Variants in ENTREP2 observed in about 807,000 individuals in gnomAD.
ENTREP2 encodes the protein endosomal transmembrane epsin interactor 2.
the ENTREP2 span, among the ~76,000 whole-genome samples, chr15:29,385,717 T>G: frequency 6.6e-6 from 1 of 151,892 alleles, no homozygotes; most frequent in Admixed American, 6.6e-5. Context: ...TAGAGAAGGG[T>G]GGGGTGCCTG....
At chr15:29,478,280 G>A in the ENTREP2 span, among the ~76,000 whole-genome samples, 1 of 151,768 alleles carries the variant, frequency 6.6e-6, no homozygotes, top group African/African-American at 2.4e-5. Flanking sequence ...GCCTGCCTTG[G>A]CCTCCCAAAG....
chr15:29,645,008 G>A, the ENTREP2 span, among the ~76,000 whole-genome samples: 1 of 152,180 alleles, frequency 6.6e-6, no homozygotes. Flanking sequence ...CTTGAGCCCA[G>A]GAATTAAAGA....
chr15:29,449,850 A>C, the ENTREP2 span, among the ~76,000 whole-genome samples: 1 of 152,158 alleles, frequency 6.6e-6, no homozygotes, highest in African/African-American at 2.4e-5. Flanking sequence ...GGAAATCCTA[A>C]TATTTACTTG....
At chr15:29,141,956 G>A in the ENTREP2 span, among the ~76,000 whole-genome samples, 1 of 152,318 alleles carries the variant, frequency 6.6e-6, no homozygotes, top group Middle Eastern at 3.4e-3. Flanking sequence ...CATTATGACT[G>A]TAATTGCATA....
chr15:29,578,912 A>T, the ENTREP2 span, among the ~76,000 whole-genome samples: 1 of 152,188 alleles, frequency 6.6e-6, no homozygotes, highest in Non-Finnish European at 1.5e-5. Context: ...GGAGGGTAAT[A>T]AGGCTAAGAA....
the ENTREP2 span, among the ~76,000 whole-genome samples, chr15:29,561,566 T>C: frequency 3.8e-3 from 580 of 152,144 alleles, 5 homozygotes; most frequent in Middle Eastern, 6.8e-3. Flanking sequence ...CGGGTGCCTA[T>C]AGTCCCAGCT....
At chr15:29,266,279 T>C in the ENTREP2 span, 1 of 152,188 alleles carries the variant, frequency 6.6e-6, no homozygotes, top group Admixed American at 6.5e-5. Context: ...GAAAAGATAC[T>C]GAAAAGGCCA....
the ENTREP2 span, among the ~76,000 whole-genome samples, chr15:29,423,186 T>C: frequency 4.6e-5 from 7 of 152,118 alleles, no homozygotes; most frequent in Admixed American, 3.3e-4. Flanking sequence ...AATGTGACCT[T>C]GGAATCTTTT....
the ENTREP2 span, among the ~76,000 whole-genome samples, chr15:29,216,853 T>TA: frequency 6.6e-6 from 1 of 151,588 alleles, no homozygotes; most frequent in African/African-American, 2.4e-5. Context: ...AACCATTGTT[T>TA]AAAAAAAAGA....
chr15:29,195,799 A>G, the ENTREP2 span, among the ~76,000 whole-genome samples: 1 of 152,208 alleles, frequency 6.6e-6, no homozygotes, highest in African/African-American at 2.4e-5. Flanking sequence ...TGCTGGGATT[A>G]CAGGCGTGAG....
the ENTREP2 span, among the ~76,000 whole-genome samples, chr15:29,546,141 T>G: frequency 6.6e-6 from 1 of 152,184 alleles, no homozygotes; most frequent in African/African-American, 2.4e-5. Context: ...TCACTTTATG[T>G]TGGACACTCA....
At chr15:29,531,769 G>A in the ENTREP2 span, among the ~76,000 whole-genome samples, 2 of 152,142 alleles carry the variant, frequency 1.3e-5, no homozygotes, top group Non-Finnish European at 2.9e-5. Context: ...AGGTTCAAGC[G>A]ATTCTCCTGC....
the ENTREP2 span, among the ~76,000 whole-genome samples, chr15:29,651,011 T>C: frequency 6.6e-6 from 1 of 152,214 alleles, no homozygotes; most frequent in African/African-American, 2.4e-5. Context: ...TAGAGACCTC[T>C]GTCTCTAAAA....
chr15:29,174,718 AAAAAG>A, the ENTREP2 span, among the ~76,000 whole-genome samples: 1 of 151,810 alleles, frequency 6.6e-6, no homozygotes, highest in Non-Finnish European at 1.5e-5. Flanking sequence ...AACAAAAAAA[AAAAAG>A]AAAACTAGAA....
At chr15:29,650,503 G>C in the ENTREP2 span, among the ~76,000 whole-genome samples, 6 of 152,032 alleles carry the variant, frequency 3.9e-5, no homozygotes, top group Non-Finnish European at 8.8e-5. Flanking sequence ...TGAGACAGGA[G>C]AATCACTTGA....
At chr15:29,505,828 A>T in the ENTREP2 span, among the ~76,000 whole-genome samples, 2 of 152,210 alleles carry the variant, frequency 1.3e-5, no homozygotes, top group African/African-American at 4.8e-5. The surrounding 1 kb of genome is among the most constrained non-coding windows in gnomAD (Gnocchi z 4.3). Context: ...AAGGCTGAAA[A>T]TTCCAAAAAC....
At chr15:29,432,648 G>A in the ENTREP2 span, among the ~76,000 whole-genome samples, 1 of 152,314 alleles carries the variant, frequency 6.6e-6, no homozygotes, top group African/African-American at 2.4e-5. Flanking sequence ...GGCTGCAGGA[G>A]CCCATGCCCA....
At chr15:29,434,440 T>C in the ENTREP2 span, among the ~76,000 whole-genome samples, 4 of 152,154 alleles carry the variant, frequency 2.6e-5, no homozygotes, top group Non-Finnish European at 5.9e-5. Flanking sequence ...TCCTTGCCTT[T>C]CCTCAGCATC....
chr15:29,660,072 G>A, the ENTREP2 span, among the ~76,000 whole-genome samples: 47 of 152,270 alleles, frequency 3.1e-4, no homozygotes, highest in Admixed American at 2.0e-3. Context: ...AAAGTGCTAG[G>A]ATTTCAGGCG....
Sources: allele counts gnomAD v4.1 joint callset (sites outside exome capture counted in the v4.1 genomes callset), GRCh38; gene constraint gnomAD v4.1.1; non-coding constraint Gnocchi (gnomAD v3.1); transcripts MANE v1.5; gene names NCBI Gene and HGNC (gene_info 2026-07-23, HGNC 2026-07-21).